The following IL13RA1 variants were observed in gnomAD, a reference collection of about 807,000 sequenced individuals.
The protein encoded by IL13RA1 is interleukin 13 receptor subunit alpha 1, also known as interleukin-13 receptor subunit alpha-1.
In IL13RA1, 14 loss-of-function variants were observed where a neutral mutation model predicts 33.8. The ratio of observed to expected loss-of-function variants is 0.41; its 90% confidence interval spans 0.27 to 0.65. The LOEUF is 0.65. Among genes scored for constraint, IL13RA1 ranks in the 30% least tolerant of loss-of-function variants. The pLI is 0.28. For synonymous variants in IL13RA1, 116 were observed against 115.7 expected (o/e 1.00, Z -0.02); for missense variants, 313 against 327.0 (o/e 0.96, Z 0.33).
chrX:118,746,669 G>T (rs990306484), intron 2 of IL13RA1, among the ~76,000 whole-genome samples: 2 of 110,137 alleles, frequency 1.8e-5, no homozygotes, highest in Non-Finnish European at 3.8e-5. Context: ...TAGGAGGAGG[G>T]GGGCTGTTGT....
intron 8 of IL13RA1, among the ~76,000 whole-genome samples, chrX:118,771,497 A>G (rs1305804005): frequency 8.9e-6 from 1 of 112,134 alleles, no homozygotes; most frequent in Non-Finnish European, 1.9e-5. Context: ...AGATTCCTGT[A>G]TTCTCTCAAA....
chrX:118,778,561 G>A (rs2017810495), intron 10 of IL13RA1, among the ~76,000 whole-genome samples: 1 of 111,292 alleles, frequency 9.0e-6, no homozygotes, highest in Non-Finnish European at 1.9e-5. Flanking sequence ...GGTCAGGGAC[G>A]AGTTCTAGGA....
At position 118,792,043 on chromosome X, in the gene IL13RA1, GA is replaced by G; in HGVS notation, c.*191del. 1 of 309,544 alleles carries G rather than the reference GA, an allele frequency of 3.2e-6. No individual in the cohort carries two copies. The highest frequency in any genetic ancestry group is 5.6e-6 in the Non-Finnish European group (1 of 178,855). 25.5% of individuals were successfully genotyped at this position (309,544 alleles called of 1,213,427 possible). A position where few individuals can be genotyped will look rare whatever the true frequency, so the allele number is the denominator to read the frequency against. Reference sequence around the variant, plus strand: ...AACTAAAAATAATGGGCGCTTTGGAGAAGAGTGTGGAGTCATTCTCATTGAA... The same window carrying G: ...AACTAAAAATAATGGGCGCTTTGGAGAGAGTGTGGAGTCATTCTCATTGAA... On this transcript the variant is annotated 3_prime_UTR_variant, in exon 11 of 11. Coordinates refer to ENST00000371666, the MANE Select transcript of IL13RA1 (RefSeq NM_001560.3).
At chrX:118,784,074 C>T (rs1215365675) in intron 10 of IL13RA1, among the ~76,000 whole-genome samples, 1 of 59,100 alleles carries the variant, frequency 1.7e-5, no homozygotes, top group Non-Finnish European at 2.8e-5. Flanking sequence ...GAGACTCTGT[C>T]GCCAAAAAAA....
chrX:118,764,480 G>T (rs111638713), intron 6 of IL13RA1, among the ~76,000 whole-genome samples: 269 of 105,525 alleles, frequency 2.5e-3, no homozygotes, highest in African/African-American at 6.9e-3. Flanking sequence ...CCTGAGTGGG[G>T]TTTTTTTTTT....
At chrX:118,728,714 A>G (rs1359281750) in intron 1 of IL13RA1, among the ~76,000 whole-genome samples, 3 of 112,220 alleles carry the variant, frequency 2.7e-5, no homozygotes, top group African/African-American at 9.7e-5. Flanking sequence ...AATGCCCTCT[A>G]TGGATTCAGT....
chrX:118,776,269 T>C (rs890487376), intron 9 of IL13RA1, among the ~76,000 whole-genome samples, 158 bp from the exon 10 acceptor site: 6 of 111,670 alleles, frequency 5.4e-5, no homozygotes, highest in Non-Finnish European at 1.1e-4. Flanking sequence ...TTGATTTTTG[T>C]GTACCCTATT....
At chrX:118,786,553 ATGAAATCAGTTTCC>A (rs1180276032) in intron 10 of IL13RA1, among the ~76,000 whole-genome samples, 1 of 111,967 alleles carries the variant, frequency 8.9e-6, no homozygotes, top group African/African-American at 3.2e-5. Flanking sequence ...TCATTTTTGT[ATGAAATCAGTTTCC>A]TGAACTTTTA....
In IL13RA1 at chrX:118,758,041, A is replaced by G. The variant is rs371737856; in HGVS notation, c.489-14A>G. The G allele has an allele frequency of 1.0e-5, 11 of 1,090,734 alleles. No individual in the cohort carries two copies. In the African/African-American group the frequency reaches 2.0e-4, roughly 20 times the overall value. The allele number at this position is 1,090,734 out of a possible 1,213,427, so 89.9% of individuals were successfully genotyped here. A position where few individuals can be genotyped will look rare whatever the true frequency, so the allele number is the denominator to read the frequency against. On this transcript the variant is annotated splice_polypyrimidine_tract_variant and intron_variant, in intron 4 of 10. Coordinates refer to ENST00000371666, the MANE Select transcript of IL13RA1 (RefSeq NM_001560.3). ...TGAATATAATGCAGAAGATTGTCTC[A>G]TTTTATCTTGTAGGCACAGAAGCCT...
intron 10 of IL13RA1, among the ~76,000 whole-genome samples, chrX:118,785,116 GGCACAGGGTCTT>G (rs918218106): frequency 5.5e-5 from 6 of 108,201 alleles, no homozygotes; most frequent in African/African-American, 2.0e-4. Flanking sequence ...TTTTTGTTTT[GGCACAGGGTCTT>G]GCTCTGTTGG....
chrX:118,743,939 A>G (rs1254971038), intron 2 of IL13RA1, among the ~76,000 whole-genome samples: 1 of 111,863 alleles, frequency 8.9e-6, no homozygotes, highest in Non-Finnish European at 1.9e-5. Context: ...TGAGGTCAGG[A>G]GTTCAAGACC....
intron 8 of IL13RA1, chrX:118,770,796 C>A: frequency 6.3e-6 from 2 of 315,602 alleles, no homozygotes; most frequent in South Asian, 6.1e-5. Flanking sequence ...CTGGCTTTGT[C>A]ATGCTGGTCA....
intron 1 of IL13RA1, among the ~76,000 whole-genome samples, chrX:118,729,576 A>G (rs2017193150): frequency 8.9e-6 from 1 of 112,184 alleles, no homozygotes; most frequent in Admixed American, 9.5e-5. Flanking sequence ...AGTGTTTATA[A>G]AAGTGATTAG....
chrX:118,736,638 G>A (rs75240792), intron 1 of IL13RA1, among the ~76,000 whole-genome samples: 7,214 of 110,911 alleles, frequency 0.065, 593 homozygotes, highest in African/African-American at 0.22. Flanking sequence ...ACCTAGTCTC[G>A]CTCTGTTGCC....
chrX:118,767,027 T>G, intron 8 of IL13RA1, 51 bp downstream of exon 8: 1 of 700,976 alleles, frequency 1.4e-6, no homozygotes, highest in Non-Finnish European at 2.1e-6. Context: ...GTATAAAAAC[T>G]AAGCTGAAGC....
chrX:118,758,424 T>A (rs888217020), intron 5 of IL13RA1, among the ~76,000 whole-genome samples, 182 bp downstream of exon 5: 1 of 112,275 alleles, frequency 8.9e-6, no homozygotes, highest in East Asian at 2.8e-4. Flanking sequence ...GAAATTCTTT[T>A]TATTGAACAC....
chrX:118,779,779 A>G (rs912368909), intron 10 of IL13RA1, among the ~76,000 whole-genome samples: 1 of 111,947 alleles, frequency 8.9e-6, no homozygotes, highest in Admixed American at 9.5e-5. Context: ...AAGGAAATCA[A>G]CTCATTATGA....
intron 10 of IL13RA1, among the ~76,000 whole-genome samples, chrX:118,782,963 T>A (rs2017862434): frequency 9.0e-6 from 1 of 110,992 alleles, no homozygotes; most frequent in African/African-American, 3.3e-5. Flanking sequence ...ATTCATTTTG[T>A]ATAACTTTCT....
At chrX:118,744,476 T>G (rs1386853545) in intron 2 of IL13RA1, among the ~76,000 whole-genome samples, 1 of 111,762 alleles carries the variant, frequency 8.9e-6, no homozygotes, top group Non-Finnish European at 1.9e-5. Context: ...CTCAGCTCAC[T>G]GAAACCTCTG....
Sources: allele counts gnomAD v4.1 joint callset (sites outside exome capture counted in the v4.1 genomes callset), GRCh38; gene constraint gnomAD v4.1.1; transcripts MANE v1.5; gene names NCBI Gene and HGNC (gene_info 2026-07-23, HGNC 2026-07-21).